GLB1L2: variants seen among roughly 807,000 people sequenced by gnomAD.
The protein encoded by GLB1L2 is galactosidase beta 1 like 2.
GLB1L2 carries 68 observed loss-of-function variants against 84.1 expected under a neutral mutation model. The observed-to-expected ratio is 0.81, with a 90% CI of 0.67 to 0.99. The LOEUF (loss-of-function observed/expected upper bound fraction) is 0.99, where lower values mean the gene tolerates loss of function less well. Among genes scored for constraint, GLB1L2 ranks in the 50% least tolerant of loss-of-function variants. GLB1L2 has a pLI of 0.00. For missense variants in GLB1L2, 762 were observed against 805.6 expected (o/e 0.95, Z 0.66); for synonymous variants, 290 against 318.0 (o/e 0.91, Z 0.94).
Position 134,370,444 on chromosome 11 carries a change from G to C in GLB1L2, c.1215+45G>C. ...ATCGGGAGGTGAGTGAGTGCCGGGG[G>C]CAGTCGTTGGCAGGGAGGTGAGTGC... On this transcript the variant is annotated intron_variant, in intron 12 of 18. Transcript: ENST00000535456. This position sits in a 1 kb window ranked among gnomAD's most constrained non-coding sequence, Gnocchi z 4.7. The C allele has an allele frequency of 6.9e-7, 1 of 1,456,600 alleles. No homozygotes were observed. Among genetic ancestry groups the C allele is most frequent in the Non-Finnish European group, 9.6e-7 (1 of 1,042,856 alleles). 90.2% of individuals were successfully genotyped at this position (1,456,600 alleles called of 1,614,324 possible).
intron 10 of GLB1L2, among the ~76,000 whole-genome samples, 198 bp from the exon 11 acceptor site, chr11:134,369,607 A>ACAAGCGAT (rs1248986326): frequency 1.3e-4 from 20 of 152,180 alleles, no homozygotes; most frequent in South Asian, 2.1e-4. Flanking sequence ...GAGCCGCTGC[A>ACAAGCGAT]CCTGGCCTTA....
Position 134,370,543 on chromosome 11 carries a change from G to C in GLB1L2, c.1215+144G>C, listed in dbSNP as rs564794381. 7.6e-6 allele frequency: 5 copies of C among 661,282 alleles called. No homozygotes were observed. The highest frequency in any genetic ancestry group is 1.3e-5 in the Non-Finnish European group (5 of 376,282). 41.0% of individuals were successfully genotyped at this position (661,282 alleles called of 1,614,324 possible). On this transcript the variant is annotated intron_variant, in intron 12 of 18. Transcript: ENST00000535456. This position sits in a 1 kb window ranked among gnomAD's most constrained non-coding sequence, Gnocchi z 4.7. ...TGGAGCCCCTCCAGACAGGGAGTGTGGGGGGAGGCAGGCCAGTGCCTGGTG... is the reference window on the plus strand; with the variant it reads ...TGGAGCCCCTCCAGACAGGGAGTGTCGGGGGAGGCAGGCCAGTGCCTGGTG...
intron 4 of GLB1L2, 44 bp from the exon 5 acceptor site, chr11:134,347,281 A>T: frequency 6.9e-7 from 1 of 1,445,196 alleles, no homozygotes; most frequent in Non-Finnish European, 9.7e-7. Context: ...CAGCAAACCC[A>T]CTGTGACACT....
In GLB1L2 at chr11:134,370,914, C is replaced by T; in HGVS notation, c.1216-94C>T. The T allele has an allele frequency of 7.0e-7, 1 of 1,422,576 alleles. No homozygotes were observed. The highest frequency in any genetic ancestry group is 9.7e-7 in the Non-Finnish European group (1 of 1,032,974). The allele number at this position is 1,422,576 out of a possible 1,614,324, so 88.1% of individuals were successfully genotyped here. On this transcript the variant is annotated intron_variant, in intron 12 of 18. Coordinates refer to ENST00000535456, the MANE Select transcript of GLB1L2 (RefSeq NM_001370461.1). The surrounding 1 kb of genome is among the most constrained non-coding windows in gnomAD (Gnocchi z 4.7). ...AAAGTAGAAAACACCCACCAAACCT[C>T]CGCTTCCACCCCATGTGCCAGCCCC...
At chr11:134,346,052 C>G (rs1943548736) in intron 4 of GLB1L2, among the ~76,000 whole-genome samples, 1 of 152,116 alleles carries the variant, frequency 6.6e-6, no homozygotes, top group African/African-American at 2.4e-5. Context: ...CCCAGTGTAC[C>G]AGGTGGTTAG....
rs114364599 is a variant in GLB1L2 at position 134,344,509 on chromosome 11, C to T, written c.353+54C>T. Reference sequence around the variant, plus strand: ...GGCCAGGGGCAGGGCACAGAGGTGGCTACTGGGGTGGATTAGCAACCAAAG... The same window carrying T: ...GGCCAGGGGCAGGGCACAGAGGTGGTTACTGGGGTGGATTAGCAACCAAAG... On this transcript the variant is annotated intron_variant, in intron 3 of 18. Transcript: ENST00000535456. 3.3e-3 allele frequency: 5,217 copies of T among 1,569,092 alleles called. 81 individuals are homozygous for T. The African/African-American group carries it at 0.065, about 19-fold the overall frequency.
intron 2 of GLB1L2, among the ~76,000 whole-genome samples, chr11:134,343,321 C>T (rs1040493435): frequency 6.6e-6 from 1 of 152,120 alleles, no homozygotes; most frequent in African/African-American, 2.4e-5. Context: ...GCTCTCTGGC[C>T]CCAGTTTTCA....
At chr11:134,350,670 C>A (rs1038861624) in intron 5 of GLB1L2, among the ~76,000 whole-genome samples, 1 of 152,214 alleles carries the variant, frequency 6.6e-6, no homozygotes, top group African/African-American at 2.4e-5. Context: ...TCCAGCAGGA[C>A]GGATGAACGG....
intron 5 of GLB1L2, among the ~76,000 whole-genome samples, chr11:134,355,797 T>C (rs980869240): frequency 6.6e-6 from 1 of 152,230 alleles, no homozygotes; most frequent in African/African-American, 2.4e-5. Context: ...TTGAGCTCCA[T>C]GTCAGACAAG....
chr11:134,365,182 A>G (rs1943851541), intron 8 of GLB1L2: 1 of 152,286 alleles, frequency 6.6e-6, no homozygotes. Context: ...GTCCTCAGGC[A>G]CATCTGCGTG....
chr11:134,357,526 GC>G (rs1231348593), intron 6 of GLB1L2, among the ~76,000 whole-genome samples: 1 of 152,208 alleles, frequency 6.6e-6, no homozygotes, highest in Non-Finnish European at 1.5e-5. Context: ...AGCGTCTCCT[GC>G]GATACCCCAT....
intron 5 of GLB1L2, among the ~76,000 whole-genome samples, chr11:134,350,144 G>A (rs1479366023): frequency 1.3e-5 from 2 of 152,160 alleles, no homozygotes; most frequent in Non-Finnish European, 2.9e-5. Flanking sequence ...TAGGCCATGC[G>A]CTGTGCTAGT....
At chr11:134,341,187 A>T (rs1475743886) in intron 1 of GLB1L2, among the ~76,000 whole-genome samples, 1 of 152,250 alleles carries the variant, frequency 6.6e-6, no homozygotes, top group Non-Finnish European at 1.5e-5. Flanking sequence ...ATAGGTTCCC[A>T]TAACTCTCTA....
At chr11:134,333,899 G>A (rs945447573) in intron 1 of GLB1L2, among the ~76,000 whole-genome samples, 15 of 152,172 alleles carry the variant, frequency 9.9e-5, no homozygotes, top group Non-Finnish European at 1.9e-4. Flanking sequence ...TAGAACAGAA[G>A]CTCAAGGAGC....
intron 9 of GLB1L2, among the ~76,000 whole-genome samples, chr11:134,367,912 C>T (rs2884942): frequency 0.19 from 28,659 of 152,232 alleles, 3,361 homozygotes; most frequent in East Asian, 0.37. Context: ...GCCATCCCGG[C>T]GAGCATCCCG....
chr11:134,345,081 G>A lies in GLB1L2; in HGVS notation c.401G>A (p.Arg134His), dbSNP rs138009259. 2.2e-5 allele frequency: 35 copies of A among 1,613,520 alleles called. No individual in the cohort carries two copies. The highest frequency in any genetic ancestry group is 1.7e-4 in the African/African-American group (13 of 75,056). The change falls in exon 4 of 19, where the codon CGT (arginine) becomes CAT (histidine). Residue 134 changes from arginine to histidine, a missense_variant. Arg to His is a conservative substitution (Grantham distance 29, BLOSUM62 0). Coordinates refer to ENST00000535456, the MANE Select transcript of GLB1L2 (RefSeq NM_001370461.1). ...AAEIGLWVIL[R>H]PGPYICSEMD... is the part of the protein sequence containing the mutation. ...GAGATCGGGCTGTGGGTGATTCTGC[G>A]TCCAGGCCCCTACATCTGCAGTGAG...
intron 5 of GLB1L2, among the ~76,000 whole-genome samples, chr11:134,352,331 A>C (rs1388857958): frequency 6.6e-6 from 1 of 152,102 alleles, no homozygotes; most frequent in Non-Finnish European, 1.5e-5. Context: ...GTTGAGTCAT[A>C]TCTTTTTTCT....
intron 4 of GLB1L2, chr11:134,346,691 C>G (rs1167638625): frequency 6.6e-6 from 1 of 152,636 alleles, no homozygotes; most frequent in Admixed American, 6.5e-5. Context: ...TTCTCAGAAC[C>G]TGAAGTGAGA....
At chr11:134,347,587 A>G (rs1313270405) in intron 5 of GLB1L2, among the ~76,000 whole-genome samples, 154 bp downstream of exon 5, 4 of 152,206 alleles carry the variant, frequency 2.6e-5, no homozygotes, top group Non-Finnish European at 1.5e-5. Flanking sequence ...AGGGGCTTGC[A>G]AGAGTTGTCT....
Sources: allele counts gnomAD v4.1 joint callset (sites outside exome capture counted in the v4.1 genomes callset), GRCh38; gene constraint gnomAD v4.1.1; non-coding constraint Gnocchi (gnomAD v3.1); transcripts MANE v1.5; gene names NCBI Gene and HGNC (gene_info 2026-07-23, HGNC 2026-07-21).